ATP11C: variants seen among roughly 807,000 people sequenced by gnomAD.
ATP11C encodes the protein phospholipid-transporting ATPase IG.
ATP11C carries 36 observed loss-of-function variants against 97.4 expected under a neutral mutation model. The ratio of observed to expected loss-of-function variants is 0.37; its 90% CI spans 0.28 to 0.49. The LOEUF (loss-of-function observed/expected upper bound fraction) is 0.49, where lower values mean the gene tolerates loss of function less well. ATP11C is among the 20% of genes least tolerant of loss of function. The probability of loss-of-function intolerance (pLI) is 0.98; values close to 1 mark genes in which losing one functional copy is unlikely to be tolerated. For synonymous variants in ATP11C, 275 were observed against 290.9 expected, an observed-to-expected ratio of 0.95 and a Z score of 0.56; for missense variants, 730 against 824.6, an observed-to-expected ratio of 0.89 and a Z score of 1.40.
chrX:139,932,873 G>GGACTAGTTCT lies in ATP11C; in HGVS notation c.-841_-832dup, dbSNP rs2085465961. 1 of 111,167 alleles carries GGACTAGTTCT rather than the reference G, an allele frequency of 9.0e-6. No homozygotes were observed. Among genetic ancestry groups the GGACTAGTTCT allele is most frequent in the South Asian group, 3.7e-4 (1 of 2,679 alleles). 9.2% of individuals were successfully genotyped at this position (111,167 alleles called of 1,213,427 possible). ...GAGGGGCGGGGCGGGGTGCGAGGGG[G>GGACTAGTTCT]GACTAGTTCTGAAAGCCCACCCTCC... is the stretch of plus-strand genomic sequence containing the variant. On this transcript the variant is annotated 5_prime_UTR_variant, in exon 1 of 30. Coordinates refer to ENST00000682941, the MANE Select transcript of ATP11C (RefSeq NM_001353812.2).
chrX:139,787,459 G>A (rs1024046778), intron 14 of ATP11C, among the ~76,000 whole-genome samples: 3 of 110,851 alleles, frequency 2.7e-5, no homozygotes, highest in Non-Finnish European at 5.7e-5. Flanking sequence ...CACCACACCC[G>A]GCTGATTTTT....
chrX:139,804,736 T>C, intron 5 of ATP11C, 137 bp from the exon 6 acceptor site: 2 of 421,949 alleles, frequency 4.7e-6, no homozygotes, highest in Non-Finnish European at 7.9e-6. Context: ...CTACATCATG[T>C]GAAAGGTGAT....
At chrX:139,878,573 A>G (rs2084513627) in intron 1 of ATP11C, among the ~76,000 whole-genome samples, 1 of 112,134 alleles carries the variant, frequency 8.9e-6, no homozygotes, top group African/African-American at 3.2e-5. Flanking sequence ...CCTACAAAAA[A>G]TCTGTTAGGT....
chrX:139,759,419 A>T lies in ATP11C; in HGVS notation c.2641-1552T>A, dbSNP rs191073039. Among the ~76,000 whole-genome samples the T allele has an allele frequency of 3.9e-3, 440 of 112,320 alleles. 4 individuals carry two copies. The highest frequency in any genetic ancestry group is 8.4e-3 in the Admixed American group (89 of 10,627). On this transcript the variant is annotated intron_variant, in intron 22 of 29. Transcript: ENST00000682941. Reference sequence around the variant, plus strand: ...CAAGGCAAGAATGTATATATTTTAAACTTATATGGTAAGACAGGGTCACAC... The same window carrying T: ...CAAGGCAAGAATGTATATATTTTAATCTTATATGGTAAGACAGGGTCACAC...
intron 23 of ATP11C, among the ~76,000 whole-genome samples, chrX:139,755,884 C>T (rs76904008): frequency 8.9e-6 from 1 of 112,116 alleles, no homozygotes; most frequent in Admixed American, 9.4e-5. Flanking sequence ...TGGAAGATAA[C>T]CTAGGATATA....
chrX:139,917,885 A>G (rs1254715923), intron 1 of ATP11C, among the ~76,000 whole-genome samples: 1 of 99,025 alleles, frequency 1.0e-5, no homozygotes, highest in African/African-American at 3.7e-5. Context: ...GAACCTGGGA[A>G]GCAGAGATTG....
intron 1 of ATP11C, among the ~76,000 whole-genome samples, chrX:139,842,233 C>G (rs1033820774): frequency 5.4e-5 from 6 of 112,092 alleles, no homozygotes; most frequent in African/African-American, 1.9e-4. Flanking sequence ...AGGGTTTCAC[C>G]GTGTTAGCCA....
intron 1 of ATP11C, among the ~76,000 whole-genome samples, chrX:139,859,918 C>T (rs1244571032): frequency 6.0e-5 from 5 of 83,990 alleles, no homozygotes; most frequent in African/African-American, 1.7e-4. Context: ...CGGCTAAAAA[C>T]GGTGAAACCC....
chrX:139,883,200 T>G (rs188480210), intron 1 of ATP11C, among the ~76,000 whole-genome samples: 1 of 110,756 alleles, frequency 9.0e-6, no homozygotes, highest in Non-Finnish European at 1.9e-5. Context: ...TAACACGAAG[T>G]AGCTCCTCAA....
chrX:139,775,121 G>A (rs1036285303), intron 18 of ATP11C, among the ~76,000 whole-genome samples, 168 bp from the exon 19 acceptor site: 4 of 111,058 alleles, frequency 3.6e-5, no homozygotes, highest in Admixed American at 9.6e-5. Context: ...GTGTTGTCTC[G>A]GGCATAATTT....
chrX:139,820,160 T>G (rs753173619), intron 2 of ATP11C, among the ~76,000 whole-genome samples: 2 of 106,293 alleles, frequency 1.9e-5, no homozygotes, highest in East Asian at 5.9e-4. Flanking sequence ...CACTCCAGCC[T>G]AGACAACAGA....
chrX:139,861,331 A>G lies in ATP11C; in HGVS notation c.28-34508T>C, dbSNP rs144789128. ...CATAAACATTTTAAATTAAGTACAA[A>G]TATGTCAGGTTCAGGAGATACAAAT... On this transcript the variant is annotated intron_variant, in intron 1 of 29. Coordinates refer to ENST00000682941, the MANE Select transcript of ATP11C (RefSeq NM_001353812.2). Among the ~76,000 whole-genome samples, 300 of 112,174 alleles carry G rather than the reference A, an allele frequency of 2.7e-3. 1 individual carries two copies. The highest frequency in any genetic ancestry group is 9.0e-3 in the African/African-American group (279 of 30,863).
chrX:139,921,423 G>A (rs761822402), intron 1 of ATP11C, among the ~76,000 whole-genome samples: 31 of 111,332 alleles, frequency 2.8e-4, no homozygotes, highest in South Asian at 2.3e-3. Flanking sequence ...GGTGTCTTGC[G>A]TCCTAATTGC....
At chrX:139,778,658 G>A (rs935801022) in intron 18 of ATP11C, among the ~76,000 whole-genome samples, 5 of 111,249 alleles carry the variant, frequency 4.5e-5, no homozygotes, top group African/African-American at 1.3e-4. Flanking sequence ...GTGAAACCCC[G>A]TCTCTACTAA....
intron 20 of ATP11C, among the ~76,000 whole-genome samples, chrX:139,767,931 TAAG>T (rs2082171202): frequency 9.2e-6 from 1 of 108,930 alleles, no homozygotes; most frequent in African/African-American, 3.4e-5. Flanking sequence ...GCCAAGGGAG[TAAG>T]AAGAGCAGAA....
chrX:139,820,083 G>A (rs755500074), intron 2 of ATP11C, among the ~76,000 whole-genome samples: 18 of 110,931 alleles, frequency 1.6e-4, no homozygotes, highest in Non-Finnish European at 2.5e-4. Context: ...CTACTCGGGC[G>A]GCTGAGACAG....
At chrX:139,931,002 A>G (rs1164169781) in intron 1 of ATP11C, among the ~76,000 whole-genome samples, 1 of 112,252 alleles carries the variant, frequency 8.9e-6, no homozygotes, top group African/African-American at 3.2e-5. Context: ...CTTTTTCCTA[A>G]CTACAGAAAA....
chrX:139,745,280 G>T (rs994219858), intron 25 of ATP11C, among the ~76,000 whole-genome samples: 4 of 111,197 alleles, frequency 3.6e-5, no homozygotes, highest in African/African-American at 1.3e-4. Flanking sequence ...GAAGAGGAGG[G>T]AGAGAAGAGA....
chrX:139,816,246 G>A (rs1221544903), intron 4 of ATP11C, among the ~76,000 whole-genome samples: 1 of 111,744 alleles, frequency 8.9e-6, no homozygotes, highest in Non-Finnish European at 1.9e-5. Flanking sequence ...ATAGTCAGAT[G>A]CTGTGGACTG....
Sources: gnomAD v4.1 joint callset for allele counts (sites outside exome capture counted in the v4.1 genomes callset) on GRCh38, gnomAD v4.1.1 for gene constraint, MANE v1.5 for transcripts, NCBI Gene and HGNC (gene_info 2026-07-23, HGNC 2026-07-21) for gene names.